The following BMP2 variants were observed in gnomAD, a reference collection of about 807,000 sequenced individuals.
BMP2 encodes bone morphogenetic protein 2A.
In BMP2, 2 loss-of-function variants were observed where a neutral mutation model predicts 28.8. That is an observed-to-expected ratio of 0.07 (90% CI 0.03 to 0.22). The LOEUF is 0.22. Among genes scored for constraint, BMP2 ranks in the 10% least tolerant of loss-of-function variants. The pLI is 1.00. For synonymous variants in BMP2, 218 were observed against 204.3 expected (o/e 1.07, Z -0.57); for missense variants, 437 against 517.7 (o/e 0.84, Z 1.51).
chr20:6,778,823 G>A lies in BMP2; in HGVS notation c.925G>A (p.Gly309Arg). ...TTTGTACGTGGACTTCAGTGACGTG[G>A]GGTGGAATGACTGGATTGTGGCTCC... ...HPLYVDFSDV[G>R]WNDWIVAPPG... The change falls in exon 3 of 3, where the codon GGG (glycine) becomes AGG (arginine). Residue 309 changes from glycine to arginine, a missense_variant. By Grantham distance (125) the Gly-to-Arg change is moderately radical. Coordinates refer to ENST00000378827, the MANE Select transcript of BMP2 (RefSeq NM_001200.4). The surrounding 1 kb of genome is among the most constrained non-coding windows in gnomAD (Gnocchi z 5.0). The A allele has an allele frequency of 6.2e-7, 1 of 1,614,148 alleles. No individual in the cohort carries two copies. The highest frequency in any genetic ancestry group is 8.5e-7 in the Non-Finnish European group (1 of 1,180,030).
At position 6,768,688 on chromosome 20, in the gene BMP2, ACT is replaced by A. The variant is rs1197997296; in HGVS notation, c.-194_-193del. 2.5e-6 allele frequency: 1 copy of A among 396,058 alleles called. No homozygotes were observed. Among genetic ancestry groups the A allele is most frequent in the Admixed American group, 4.4e-5 (1 of 22,632 alleles). 24.5% of individuals were successfully genotyped at this position (396,058 alleles called of 1,614,324 possible). On this transcript the variant is annotated 5_prime_UTR_variant, in exon 1 of 3. Coordinates refer to ENST00000378827, the MANE Select transcript of BMP2 (RefSeq NM_001200.4). ...CCTCCACTCCTCGGCCTTGCCCGAC[ACT>A]GAGACGCTGTTCCCAGCGTGAAAAG...
In BMP2 at chr20:6,778,274, G is replaced by T; in HGVS notation, c.376G>T (p.Gly126Trp). 6.3e-7 allele frequency: 1 copy of T among 1,599,934 alleles called. No homozygotes were observed. ...ESLEELPETS[G>W]KTTRRFFFNL... ...TTTGGAAGAACTACCAGAAACGAGT[G>T]GGAAAACAACCCGGAGATTCTTCTT... Residue 126 changes from glycine to tryptophan, a missense_variant, in exon 3 of 3, where the codon GGG (glycine) becomes TGG (tryptophan). This residue lies in a region of BMP2 where 363 missense variants were observed against 392.8 expected (regional missense o/e 0.92). Transcript: ENST00000378827. The surrounding 1 kb of genome is among the most constrained non-coding windows in gnomAD (Gnocchi z 5.0).
chr20:6,775,879 T>A (rs1986491318), intron 2 of BMP2, among the ~76,000 whole-genome samples: 5 of 152,178 alleles, frequency 3.3e-5, no homozygotes. Context: ...GCAATTGTGA[T>A]TTCTCTGGGC....
intron 2 of BMP2, among the ~76,000 whole-genome samples, chr20:6,776,802 G>A (rs773600337): frequency 6.6e-6 from 1 of 152,158 alleles, no homozygotes; most frequent in Non-Finnish European, 1.5e-5. Flanking sequence ...GGCTTACACG[G>A]GTAGATCCTT....
rs1413632080 is a variant in BMP2 at position 6,779,827 on chromosome 20, G to C, written c.*738G>C. 6.6e-6 allele frequency: 1 copy of C among 152,322 alleles called. No homozygotes were observed. Among genetic ancestry groups the C allele is most frequent in the Non-Finnish European group, 1.5e-5 (1 of 68,038 alleles). The allele number at this position is 152,322 out of a possible 1,614,324, so 9.4% of individuals were successfully genotyped here. A position where few individuals can be genotyped will look rare whatever the true frequency, so the allele number is the denominator to read the frequency against. On this transcript the variant is annotated 3_prime_UTR_variant, in exon 3 of 3. Coordinates refer to ENST00000378827, the MANE Select transcript of BMP2 (RefSeq NM_001200.4). The stretch of plus-strand genomic sequence containing the variant: ...CAGAAAGAATAAAGCAGGATCCATA[G>C]AAATAATTAGGAAAACGATGAACCT...
At position 6,778,273 on chromosome 20, in the gene BMP2, T is replaced by C; in HGVS notation, c.375T>C (p.Ser125=). The C allele has an allele frequency of 6.3e-7, 1 of 1,599,380 alleles. No individual in the cohort carries two copies. Among genetic ancestry groups the C allele is most frequent in the Non-Finnish European group, 8.5e-7 (1 of 1,174,236 alleles). The part of the protein sequence containing the change: ...EESLEELPET[S]GKTTRRFFFN... ...CTTTGGAAGAACTACCAGAAACGAG[T>C]GGGAAAACAACCCGGAGATTCTTCT... The change falls in exon 3 of 3, where the codon AGT becomes AGC. Residue 125 remains serine, a synonymous_variant. Coordinates refer to ENST00000378827, the MANE Select transcript of BMP2 (RefSeq NM_001200.4). This position sits in a 1 kb window ranked among gnomAD's most constrained non-coding sequence, Gnocchi z 5.0.
At chr20:6,770,805 G>A (rs1173081480) in intron 2 of BMP2, among the ~76,000 whole-genome samples, 1 of 152,208 alleles carries the variant, frequency 6.6e-6, no homozygotes, top group Non-Finnish European at 1.5e-5. Flanking sequence ...GAATTCCACA[G>A]AGGGAAAAGG....
At chr20:6,770,084 G>A in intron 1 of BMP2, 36 bp from the exon 2 acceptor site, 2 of 1,494,388 alleles carry the variant, frequency 1.3e-6, no homozygotes, top group Non-Finnish European at 8.9e-7. Context: ...GGACTGGGCG[G>A]GGAACTCGGG....
rs1029260148 is a variant in BMP2 at position 6,778,174 on chromosome 20, A to G, written c.347-71A>G. On this transcript the variant is annotated intron_variant, in intron 2 of 2. Coordinates refer to ENST00000378827, the MANE Select transcript of BMP2 (RefSeq NM_001200.4). The surrounding 1 kb of genome is among the most constrained non-coding windows in gnomAD (Gnocchi z 5.0). ...GGTTTAAAAATTCTCATAGATAATC[A>G]AACGTCATTACTTGGCTTACTGAAA... The G allele has an allele frequency of 4.0e-6, 6 of 1,518,522 alleles. No homozygotes were observed. The highest frequency in any genetic ancestry group is 1.9e-4 in the Middle Eastern group (1 of 5,324). 94.1% of individuals were successfully genotyped at this position (1,518,522 alleles called of 1,614,324 possible).
intron 2 of BMP2, among the ~76,000 whole-genome samples, chr20:6,772,712 T>C (rs1213443394): frequency 1.3e-5 from 2 of 152,228 alleles, no homozygotes; most frequent in East Asian, 1.9e-4. Flanking sequence ...GTGGAATTAC[T>C]CGACGAGATA....
At chr20:6,775,744 A>G (rs1986488104) in intron 2 of BMP2, among the ~76,000 whole-genome samples, 1 of 152,006 alleles carries the variant, frequency 6.6e-6, no homozygotes, top group African/African-American at 2.4e-5. Context: ...CCTGTCCCTC[A>G]TACTTGACTT....
At chr20:6,771,040 CA>C (rs771117663) in intron 2 of BMP2, among the ~76,000 whole-genome samples, 2 of 151,384 alleles carry the variant, frequency 1.3e-5, no homozygotes, top group Non-Finnish European at 2.9e-5. Flanking sequence ...CGTGGGAGAT[CA>C]ATACTACAAT....
rs1986501399 is a variant in BMP2 at position 6,776,390 on chromosome 20, C to T, written c.347-1855C>T. Among the ~76,000 whole-genome samples, 4 of 152,160 alleles carry T rather than the reference C, an allele frequency of 2.6e-5. 1 individual carries two copies. The South Asian group carries it at 8.3e-4, about 32-fold the overall frequency. On this transcript the variant is annotated intron_variant, in intron 2 of 2. Transcript: ENST00000378827. ...CTTCTGTTCTGAGACCCTGGCTGGG[C>T]CCACCCAGAGCTGGCCCATTCAACT...
chr20:6,772,582 C>T (rs374218673), intron 2 of BMP2, among the ~76,000 whole-genome samples: 90 of 152,274 alleles, frequency 5.9e-4, no homozygotes, highest in African/African-American at 2.0e-3. Flanking sequence ...AGGTTGCTGG[C>T]TCAAGAACAG....
In BMP2 at chr20:6,767,749, C is replaced by A. The variant is rs1396403070; in HGVS notation, c.-1134C>A. ...GCCGCGCTGCGCCCGGCTCGCGCTG[C>A]GCTAGTCGCTCCGCTTCCCACACCC... On this transcript the variant is annotated 5_prime_UTR_variant, in exon 1 of 3. Coordinates refer to ENST00000378827, the MANE Select transcript of BMP2 (RefSeq NM_001200.4). 1.5e-5 allele frequency: 3 copies of A among 199,566 alleles called. No homozygotes were observed. The highest frequency in any genetic ancestry group is 3.0e-5 in the Non-Finnish European group (3 of 99,892). The allele number at this position is 199,566 out of a possible 1,614,324, so 12.4% of individuals were successfully genotyped here. A position where few individuals can be genotyped will look rare whatever the true frequency, so the allele number is the denominator to read the frequency against.
chr20:6,769,158 T>G (rs1032975882), intron 1 of BMP2, among the ~76,000 whole-genome samples: 1 of 152,218 alleles, frequency 6.6e-6, no homozygotes, highest in Non-Finnish European at 1.5e-5. Flanking sequence ...ATTTATTTAT[T>G]TATTTTTAAT....
chr20:6,768,527 C>T lies in BMP2; in HGVS notation c.-356C>T, dbSNP rs1182525736. ...CCTTCCCTGCCCCGCACTCCTCCCC[C>T]TGCTCGCTGTTGTTGTGTGTCAGCA... On this transcript the variant is annotated 5_prime_UTR_variant, in exon 1 of 3. Transcript: ENST00000378827. The T allele has an allele frequency of 7.6e-6, 3 of 393,946 alleles. No homozygotes were observed. Among genetic ancestry groups the T allele is most frequent in the Non-Finnish European group, 1.3e-5 (3 of 223,488 alleles). The allele number at this position is 393,946 out of a possible 1,614,324, so 24.4% of individuals were successfully genotyped here.
chr20:6,775,149 G>A (rs1394096349), intron 2 of BMP2, among the ~76,000 whole-genome samples: 4 of 152,160 alleles, frequency 2.6e-5, no homozygotes, highest in Non-Finnish European at 5.9e-5. Flanking sequence ...CTCCAAAAAA[G>A]CATACATTAC....
Position 6,770,232 on chromosome 20 carries a change from G to T in BMP2, c.106G>T (p.Ala36Ser), listed in dbSNP as rs752683518. The change falls in exon 2 of 3, where the codon GCG (alanine) becomes TCG (serine). Residue 36 changes from alanine (A) to serine (S), a missense_variant. Ala to Ser is a moderately conservative substitution (Grantham distance 99). Transcript: ENST00000378827. The stretch of plus-strand genomic sequence containing the variant: ...GCTGGGCCGCAGGAAGTTCGCGGCG[G>T]CGTCGTCGGGCCGCCCCTCATCCCA... ...PELGRRKFAA[A>S]SSGRPSSQPS... 3.7e-6 allele frequency: 6 copies of T among 1,603,220 alleles called. No homozygotes were observed. In the African/African-American group the frequency reaches 5.4e-5, roughly 14 times the overall value.
Sources: gnomAD v4.1 joint callset for allele counts (sites outside exome capture counted in the v4.1 genomes callset) on GRCh38, gnomAD v4.1.1 for gene constraint, gnomAD v4.1.1 regional missense constraint, Gnocchi (gnomAD v3.1) non-coding constraint, MANE v1.5 for transcripts, NCBI Gene and HGNC (gene_info 2026-07-23, HGNC 2026-07-21) for gene names.